ATRNL1: variants seen among roughly 807,000 people sequenced by gnomAD.
The protein encoded by ATRNL1 is attractin-like protein 1.
In ATRNL1, 95 loss-of-function variants were observed where a neutral mutation model predicts 182.7. That is an observed-to-expected ratio of 0.52 (90% CI 0.44 to 0.62). The LOEUF (loss-of-function observed/expected upper bound fraction) is 0.62. Ranked by LOEUF, ATRNL1 falls within the 20% of genes least tolerant of loss-of-function variation. The probability of loss-of-function intolerance (pLI) is 0.00; values close to 1 mark genes in which losing one functional copy is unlikely to be tolerated. For missense variants in ATRNL1, 1,471 were observed against 1,679.5 expected, an observed-to-expected ratio of 0.88 and a Z score of 2.17; for synonymous variants, 576 against 568.3, an observed-to-expected ratio of 1.01 and a Z score of -0.19.
intron 24 of ATRNL1, among the ~76,000 whole-genome samples, chr10:115,517,904 C>A (rs880001704): frequency 6.6e-6 from 1 of 151,632 alleles, no homozygotes; most frequent in Admixed American, 6.6e-5. Flanking sequence ...GATGTTTTTT[C>A]TTTAATCTTT....
chr10:115,772,555 T>A (rs1452043538), intron 27 of ATRNL1, among the ~76,000 whole-genome samples: 3 of 150,748 alleles, frequency 2.0e-5, no homozygotes, highest in African/African-American at 7.3e-5. Context: ...ATATTCTGTA[T>A]ATATATATAT....
At position 115,785,747 on chromosome 10, in the gene ATRNL1, T is replaced by G. The variant is rs1364020781; in HGVS notation, c.3903+58392T>G. 3.3e-5 allele frequency among the ~76,000 whole-genome samples: 5 copies of G among 152,306 alleles called. No individual in the cohort carries two copies. In the East Asian group the frequency reaches 9.6e-4, roughly 29 times the overall value. ...CATAAAGTGCTGGTTTGTTTTTGCT[T>G]AACAGTTTTTGCCTCAATTTATCTC... On this transcript the variant is annotated intron_variant, in intron 27 of 28. Coordinates refer to ENST00000355044, the MANE Select transcript of ATRNL1 (RefSeq NM_207303.4).
chr10:115,324,598 G>A (rs570934949), intron 18 of ATRNL1, among the ~76,000 whole-genome samples: 9 of 152,250 alleles, frequency 5.9e-5, no homozygotes, highest in African/African-American at 1.9e-4. Context: ...TGCCATATAA[G>A]CCTGACATAT....
intron 8 of ATRNL1, among the ~76,000 whole-genome samples, chr10:115,185,712 A>C (rs188909323): frequency 2.2e-4 from 33 of 152,126 alleles, no homozygotes; most frequent in African/African-American, 7.2e-4. Flanking sequence ...TTTTTATGAG[A>C]TATGCACGGC....
chr10:115,128,565 G>A (rs781943383), intron 4 of ATRNL1: 4 of 293,426 alleles, frequency 1.4e-5, no homozygotes, highest in African/African-American at 2.3e-5. Flanking sequence ...GGTGGCTCAC[G>A]CCTGTAATCC....
At chr10:115,595,759 T>G (rs1856198630) in intron 26 of ATRNL1, among the ~76,000 whole-genome samples, 1 of 144,250 alleles carries the variant, frequency 6.9e-6, no homozygotes, top group Non-Finnish European at 1.5e-5. Context: ...TGATTATTAT[T>G]CACTTGAAAT....
chr10:115,639,385 G>C (rs1417759489), intron 26 of ATRNL1, among the ~76,000 whole-genome samples: 1 of 152,174 alleles, frequency 6.6e-6, no homozygotes, highest in Non-Finnish European at 1.5e-5. Context: ...CTTTAAAATT[G>C]TGTAACAGAA....
intron 27 of ATRNL1, among the ~76,000 whole-genome samples, chr10:115,737,280 C>A (rs11197427): frequency 0.74 from 109,918 of 147,812 alleles, 41,219 homozygotes; most frequent in East Asian, 0.96. Context: ...CCCCCCCCCC[C>A]AAAAAAAAAG....
At chr10:115,939,910 C>T (rs1163073702) in intron 28 of ATRNL1, among the ~76,000 whole-genome samples, 3 of 152,152 alleles carry the variant, frequency 2.0e-5, no homozygotes, top group Non-Finnish European at 4.4e-5. Context: ...CACAAAGAAC[C>T]TATTTCTAGG....
intron 9 of ATRNL1, among the ~76,000 whole-genome samples, chr10:115,236,809 G>T (rs782418299): frequency 6.6e-6 from 1 of 152,040 alleles, no homozygotes; most frequent in African/African-American, 2.4e-5. Context: ...ATATTCTATG[G>T]ATTTTCACAA....
chr10:115,550,155 C>T (rs189973089), intron 26 of ATRNL1, among the ~76,000 whole-genome samples: 31 of 151,718 alleles, frequency 2.0e-4, no homozygotes, highest in Admixed American at 1.6e-3. Flanking sequence ...TCGAAAGGAA[C>T]GAAGAAACAA....
chr10:115,855,391 T>C (rs1450470230), intron 28 of ATRNL1, among the ~76,000 whole-genome samples: 1 of 152,202 alleles, frequency 6.6e-6, no homozygotes, highest in Non-Finnish European at 1.5e-5. Flanking sequence ...ATCCCACACC[T>C]TCTAACATAT....
At chr10:115,819,579 T>G (rs1277698517) in intron 27 of ATRNL1, among the ~76,000 whole-genome samples, 1 of 152,116 alleles carries the variant, frequency 6.6e-6, no homozygotes, top group Non-Finnish European at 1.5e-5. Context: ...CCCTTTTTTA[T>G]TATCATTCTG....
At chr10:115,263,088 AT>A (rs1385230785) in intron 10 of ATRNL1, among the ~76,000 whole-genome samples, 3 of 151,948 alleles carry the variant, frequency 2.0e-5, no homozygotes, top group African/African-American at 7.2e-5. Context: ...AAAAAGGCTA[AT>A]TATTAACAGC....
chr10:115,917,182 C>T (rs1020425473), intron 28 of ATRNL1, among the ~76,000 whole-genome samples: 15 of 152,204 alleles, frequency 9.9e-5, no homozygotes, highest in Middle Eastern at 3.4e-3. Flanking sequence ...CTCTCTAAAA[C>T]GGGGCCGGCT....
At chr10:115,856,992 C>A (rs2134381614) in intron 28 of ATRNL1, among the ~76,000 whole-genome samples, 1 of 152,204 alleles carries the variant, frequency 6.6e-6, no homozygotes, top group South Asian at 2.1e-4. Context: ...ACACCAAGAC[C>A]AGCCTCTCCT....
chr10:115,910,701 C>A (rs2134521449), intron 28 of ATRNL1, among the ~76,000 whole-genome samples: 1 of 152,250 alleles, frequency 6.6e-6, no homozygotes, highest in Non-Finnish European at 1.5e-5. Flanking sequence ...GGGCTGGTCA[C>A]CATAGAAATC....
chr10:115,847,398 G>A (rs1291555627), intron 27 of ATRNL1, among the ~76,000 whole-genome samples: 2 of 152,040 alleles, frequency 1.3e-5, no homozygotes, highest in Non-Finnish European at 2.9e-5. Context: ...AGCTGTATCA[G>A]GTGATGAATA....
At chr10:115,222,750 G>A (rs1849518826) in intron 9 of ATRNL1, among the ~76,000 whole-genome samples, 1 of 152,100 alleles carries the variant, frequency 6.6e-6, no homozygotes, top group African/African-American at 2.4e-5. Flanking sequence ...AACAATGACT[G>A]AGATAACTTG....
Sources: allele counts gnomAD v4.1 joint callset (sites outside exome capture counted in the v4.1 genomes callset), GRCh38; gene constraint gnomAD v4.1.1; transcripts MANE v1.5; gene names NCBI Gene and HGNC (gene_info 2026-07-23, HGNC 2026-07-21).